Variants in MIA2 observed in about 807,000 individuals in gnomAD.
MIA2 encodes melanoma inhibitory activity protein 2.
MIA2 carries 127 observed loss-of-function variants against 167.8 expected under a neutral mutation model. The ratio of observed to expected loss-of-function variants is 0.76; its 90% CI spans 0.66 to 0.88. MIA2 has a LOEUF of 0.88. MIA2 is among the 40% of genes least tolerant of loss of function. MIA2 has a pLI of 0.00. For synonymous variants in MIA2, 552 were observed against 541.9 expected, an observed-to-expected ratio of 1.02 and a Z score of -0.26; for missense variants, 1,690 against 1,624.7, an observed-to-expected ratio of 1.04 and a Z score of -0.69.
chr14:39,311,984 C>T (rs1042554145), intron 18 of MIA2, among the ~76,000 whole-genome samples: 2 of 150,620 alleles, frequency 1.3e-5, no homozygotes, highest in Non-Finnish European at 3.0e-5. Context: ...TGCGCGCCAC[C>T]ATGCCTGCCT....
In MIA2 at chr14:39,313,425, G is replaced by A. The variant is rs774358057; in HGVS notation, c.3103G>A (p.Glu1035Lys). 5.0e-6 allele frequency: 8 copies of A among 1,598,608 alleles called. No homozygotes were observed. Among genetic ancestry groups the A allele is most frequent in the African/African-American group, 2.7e-5 (2 of 74,292 alleles). ...TGAAAAGATCAGCCATGCCACTGAA[G>A]AGCTGGAGACCTATAGGTATTAAAT... ...VDEKISHATE[E>K]LETYRKRAKD... The change falls in exon 19 of 29, where the codon GAG becomes AAG. Residue 1035 changes from glutamate (E) to lysine (K), a missense_variant. By Grantham distance (56) the Glu-to-Lys change is moderately conservative (BLOSUM62 1). Coordinates refer to ENST00000640607, the MANE Select transcript of MIA2 (RefSeq NM_001329214.4).
chr14:39,278,721 G>A (rs1252399116), intron 7 of MIA2, among the ~76,000 whole-genome samples: 1 of 152,174 alleles, frequency 6.6e-6, no homozygotes, highest in Non-Finnish European at 1.5e-5. Flanking sequence ...GATAATAGGG[G>A]CTTCTTGAAA....
chr14:39,348,637 T>C, intron 27 of MIA2, 106 bp from the exon 28 acceptor site: 1 of 1,468,164 alleles, frequency 6.8e-7, no homozygotes. Flanking sequence ...TCTAAGACTA[T>C]CATGGAATGC....
intron 18 of MIA2, among the ~76,000 whole-genome samples, chr14:39,310,060 T>C (rs1278134183): frequency 1.3e-5 from 2 of 152,188 alleles, no homozygotes; most frequent in East Asian, 3.8e-4. Context: ...TCTGTATTTG[T>C]GAATTGACTT....
chr14:39,295,436 G>A (rs1184577791), intron 13 of MIA2, among the ~76,000 whole-genome samples: 1 of 151,996 alleles, frequency 6.6e-6, no homozygotes, highest in Non-Finnish European at 1.5e-5. Flanking sequence ...ATACTCCCAC[G>A]TATATTTCTT....
intron 9 of MIA2, among the ~76,000 whole-genome samples, chr14:39,286,865 CTGTGTG>C (rs34075444): frequency 3.5e-4 from 50 of 142,024 alleles, no homozygotes; most frequent in African/African-American, 5.1e-4. Context: ...GGCTATTTTT[CTGTGTG>C]TGTGTGTGTG....
intron 25 of MIA2, among the ~76,000 whole-genome samples, chr14:39,344,684 A>G (rs2072817421): frequency 6.6e-6 from 1 of 152,144 alleles, no homozygotes; most frequent in South Asian, 2.1e-4. Flanking sequence ...ATTAGAGGCA[A>G]TTTGGGGTTG....
At chr14:39,282,242 CTT>C (rs943101303) in intron 9 of MIA2, among the ~76,000 whole-genome samples, 134 of 152,160 alleles carry the variant, frequency 8.8e-4, no homozygotes, top group African/African-American at 2.8e-3. Context: ...TTTCAGATAA[CTT>C]TATGTATTTG....
intron 13 of MIA2, among the ~76,000 whole-genome samples, chr14:39,298,035 C>G (rs73277471): frequency 0.019 from 2,909 of 151,136 alleles, 101 homozygotes; most frequent in African/African-American, 0.067. Context: ...TTTCTTTTTT[C>G]CTTGTGGGTT....
chr14:39,244,618 C>G (rs1355657949), intron 3 of MIA2, among the ~76,000 whole-genome samples: 1 of 151,904 alleles, frequency 6.6e-6, no homozygotes, highest in Non-Finnish European at 1.5e-5. Flanking sequence ...TGGTAATATC[C>G]AAAGGCAGCA....
chr14:39,252,072 C>T (rs1235372412), intron 4 of MIA2, among the ~76,000 whole-genome samples: 4 of 83,722 alleles, frequency 4.8e-5, no homozygotes, highest in African/African-American at 1.7e-4. Flanking sequence ...GACAAAAAGG[C>T]ACGTTAGAGA....
chr14:39,335,845 A>C (rs1164616758), intron 25 of MIA2, among the ~76,000 whole-genome samples: 1 of 152,138 alleles, frequency 6.6e-6, no homozygotes, highest in Non-Finnish European at 1.5e-5. Context: ...TACCACTTAC[A>C]AGTAAGAATG....
At chr14:39,309,640 C>T (rs1168937601) in intron 18 of MIA2, among the ~76,000 whole-genome samples, 1 of 152,096 alleles carries the variant, frequency 6.6e-6, no homozygotes, top group Non-Finnish European at 1.5e-5. Context: ...CTTATTTTGC[C>T]TCATGGCTCT....
In MIA2 at chr14:39,233,952, A is replaced by G. The variant is rs532926580; in HGVS notation, c.-163A>G. ...TGTTTGTCTCTCAAGTTAAACCAAC[A>G]AGCCGATAGAAAAAGGTAGTTATCA... is the stretch of plus-strand genomic sequence containing the variant. On this transcript the variant is annotated 5_prime_UTR_variant, in exon 1 of 29. Coordinates refer to ENST00000640607, the MANE Select transcript of MIA2 (RefSeq NM_001329214.4). 40 of 494,062 alleles carry G rather than the reference A, an allele frequency of 8.1e-5. No homozygotes were observed. Among genetic ancestry groups the G allele is most frequent in the African/African-American group, 7.8e-4 (39 of 50,118 alleles). 30.6% of individuals were successfully genotyped at this position (494,062 alleles called of 1,614,324 possible).
chr14:39,333,091 T>A (rs900312475), intron 25 of MIA2, among the ~76,000 whole-genome samples: 4 of 152,214 alleles, frequency 2.6e-5, no homozygotes, highest in African/African-American at 9.7e-5. Flanking sequence ...CCATTGAGTA[T>A]ATTAGTTTTA....
At chr14:39,277,099 A>T (rs771673040) in intron 7 of MIA2, 34 bp downstream of exon 7, 1 of 1,588,132 alleles carries the variant, frequency 6.3e-7, no homozygotes, top group South Asian at 1.1e-5. Context: ...GAGAATGTTC[A>T]TTTTGTCACT....
At chr14:39,270,487 C>T (rs2056953941) in intron 6 of MIA2, among the ~76,000 whole-genome samples, 1 of 152,050 alleles carries the variant, frequency 6.6e-6, no homozygotes, top group Non-Finnish European at 1.5e-5. Flanking sequence ...GTGTGAGTCC[C>T]CCCACCCGGC....
intron 9 of MIA2, among the ~76,000 whole-genome samples, chr14:39,281,619 G>GTT (rs549847071): frequency 2.4e-4 from 32 of 133,294 alleles, no homozygotes; most frequent in Non-Finnish European, 3.5e-4. Context: ...TTTTGTTTTG[G>GTT]TTTTTTTTTT....
chr14:39,268,953 A>C (rs1339944907), intron 6 of MIA2: 7 of 930,072 alleles, frequency 7.5e-6, no homozygotes, highest in Non-Finnish European at 9.0e-6. Flanking sequence ...AAACAATAAT[A>C]ATCAAGATTT....
Sources: allele counts gnomAD v4.1 joint callset (sites outside exome capture counted in the v4.1 genomes callset), GRCh38; gene constraint gnomAD v4.1.1; transcripts MANE v1.5; gene names NCBI Gene and HGNC (gene_info 2026-07-23, HGNC 2026-07-21).